Variants in PKNOX2 observed in about 807,000 individuals in gnomAD.
The protein encoded by PKNOX2 is PBX/knotted 1 homeobox 2.
A neutral mutation model predicts 53.1 loss-of-function variants in PKNOX2; 14 were observed. The observed-to-expected ratio is 0.26, with a 90% CI of 0.17 to 0.41. The LOEUF (loss-of-function observed/expected upper bound fraction) is 0.41, where lower values mean the gene tolerates loss of function less well. PKNOX2 is among the 10% of genes least tolerant of loss of function. PKNOX2 has a pLI of 1.00. For synonymous variants in PKNOX2, 257 were observed against 242.8 expected (o/e 1.06, Z -0.54); for missense variants, 496 against 602.8 (o/e 0.82, Z 1.85).
intron 1 of PKNOX2, among the ~76,000 whole-genome samples, chr11:125,228,182 C>T (rs1230152923): frequency 6.6e-6 from 1 of 152,226 alleles, no homozygotes; most frequent in African/African-American, 2.4e-5. Flanking sequence ...AAACGTGCTC[C>T]ATCTGAGCCG....
rs367560539 is a variant in PKNOX2 at position 125,431,395 on chromosome 11, G to T, written c.*3G>T. On this transcript the variant is annotated 3_prime_UTR_variant, in exon 13 of 13. Transcript: ENST00000298282. The stretch of plus-strand genomic sequence containing the variant: ...AACACAGTGACTCCCTGGAGTAGTC[G>T]GGCAGCCCAGATGGCACTGATCACT... The T allele has an allele frequency of 1.9e-6, 3 of 1,610,454 alleles. No homozygotes were observed.
chr11:125,360,422 C>G (rs1444239339), intron 4 of PKNOX2, among the ~76,000 whole-genome samples: 2 of 152,166 alleles, frequency 1.3e-5, no homozygotes, highest in African/African-American at 4.8e-5. Flanking sequence ...TTGCAATGCA[C>G]CCTCACATAT....
At chr11:125,339,958 A>G (rs1950599810) in intron 3 of PKNOX2, among the ~76,000 whole-genome samples, 1 of 152,224 alleles carries the variant, frequency 6.6e-6, no homozygotes, top group Non-Finnish European at 1.5e-5. Context: ...TGCCGCTTTC[A>G]GCTCGCTTAA....
At chr11:125,377,599 C>G (rs918528672) in intron 5 of PKNOX2, among the ~76,000 whole-genome samples, 5 of 152,200 alleles carry the variant, frequency 3.3e-5, no homozygotes, top group African/African-American at 1.2e-4. Context: ...GGACCAGGGT[C>G]CGCCTGCCCT....
chr11:125,311,244 T>G (rs1268672416), intron 2 of PKNOX2, among the ~76,000 whole-genome samples: 1 of 152,226 alleles, frequency 6.6e-6, no homozygotes, highest in Non-Finnish European at 1.5e-5. Context: ...CATTCCCCAT[T>G]AGAAAGACAT....
chr11:125,409,820 A>C (rs2135537736), intron 7 of PKNOX2, among the ~76,000 whole-genome samples: 1 of 152,174 alleles, frequency 6.6e-6, no homozygotes, highest in Admixed American at 6.5e-5. Flanking sequence ...TCAAGAAAAA[A>C]TCCAGAGCCC....
At chr11:125,291,433 C>G (rs868454023) in intron 2 of PKNOX2, among the ~76,000 whole-genome samples, 5 of 152,180 alleles carry the variant, frequency 3.3e-5, no homozygotes, top group Non-Finnish European at 7.3e-5. Flanking sequence ...GTGCACAGAA[C>G]TCTGTCTCCT....
intron 7 of PKNOX2, among the ~76,000 whole-genome samples, chr11:125,401,905 T>C (rs1169556562): frequency 6.6e-6 from 1 of 152,166 alleles, no homozygotes; most frequent in East Asian, 1.9e-4. Context: ...CTCTGGAACA[T>C]GATCCTCTGG....
At chr11:125,381,923 G>A (rs561389865) in intron 5 of PKNOX2, among the ~76,000 whole-genome samples, 104 of 152,240 alleles carry the variant, frequency 6.8e-4, no homozygotes, top group Non-Finnish European at 1.2e-3. Flanking sequence ...GGCTCTCCCT[G>A]ACCACTCTAA....
intron 12 of PKNOX2, 70 bp from the exon 13 acceptor site, chr11:125,431,095 CT>C: frequency 6.5e-7 from 1 of 1,544,706 alleles, no homozygotes; most frequent in Non-Finnish European, 8.7e-7. Flanking sequence ...CCATTAAACC[CT>C]GTCCAACACA....
chr11:125,279,034 T>C (rs1213600637), intron 2 of PKNOX2, among the ~76,000 whole-genome samples: 5 of 152,190 alleles, frequency 3.3e-5, no homozygotes, highest in Non-Finnish European at 5.9e-5. Flanking sequence ...GTGGTCACCA[T>C]GTTTGCCCCC....
chr11:125,293,604 G>A (rs529205140), intron 2 of PKNOX2, among the ~76,000 whole-genome samples: 6 of 152,178 alleles, frequency 3.9e-5, no homozygotes, highest in Admixed American at 6.5e-5. Flanking sequence ...GTTATTACTT[G>A]AGACTTTCCA....
At position 125,166,193 on chromosome 11, in the gene PKNOX2, G is replaced by T. The variant is rs1289210088; in HGVS notation, c.-201+1417G>T. ...GTTGGGGGCTGGAGGAACGGGTGGC[G>T]TTTTTAGGATTCAGTAACAGGATCA... On this transcript the variant is annotated intron_variant, in intron 1 of 12. Transcript: ENST00000298282. The surrounding 1 kb of genome is among the most constrained non-coding windows in gnomAD (Gnocchi z 4.0). 6.6e-6 allele frequency among the ~76,000 whole-genome samples: 1 copy of T among 152,158 alleles called. No individual in the cohort carries two copies. Among genetic ancestry groups the T allele is most frequent in the African/African-American group, 2.4e-5 (1 of 41,428 alleles).
chr11:125,403,682 C>T (rs1954892634), intron 7 of PKNOX2, among the ~76,000 whole-genome samples: 1 of 152,154 alleles, frequency 6.6e-6, no homozygotes, highest in South Asian at 2.1e-4. Flanking sequence ...GTTTTTGTGA[C>T]ACATGGGGAG....
chr11:125,211,544 G>C (rs4936994), intron 1 of PKNOX2, among the ~76,000 whole-genome samples: 31,150 of 152,046 alleles, frequency 0.2, 3,483 homozygotes, highest in African/African-American at 0.26. Flanking sequence ...CTCTGGCAGA[G>C]AGCGACTGGG....
chr11:125,297,152 C>T (rs1450855669), intron 2 of PKNOX2, among the ~76,000 whole-genome samples: 4 of 152,172 alleles, frequency 2.6e-5, no homozygotes, highest in East Asian at 3.8e-4. Context: ...CTTTTCACAA[C>T]GATCCATAGA....
At chr11:125,313,343 A>G (rs1308622422) in intron 2 of PKNOX2, among the ~76,000 whole-genome samples, 1 of 152,164 alleles carries the variant, frequency 6.6e-6, no homozygotes, top group Non-Finnish European at 1.5e-5. Flanking sequence ...TCCAGGTGAC[A>G]TCCTACCTCA....
intron 2 of PKNOX2, among the ~76,000 whole-genome samples, chr11:125,236,525 A>C (rs1406756115): frequency 6.6e-6 from 1 of 152,078 alleles, no homozygotes; most frequent in Non-Finnish European, 1.5e-5. Context: ...GAGAGCTGAG[A>C]GCGTGGGGGG....
intron 3 of PKNOX2, among the ~76,000 whole-genome samples, chr11:125,335,792 T>C (rs1160740533): frequency 6.6e-6 from 1 of 152,064 alleles, no homozygotes; most frequent in Non-Finnish European, 1.5e-5. Context: ...TACTCCAGCC[T>C]GGGTGACAGA....
Sources: allele counts gnomAD v4.1 joint callset (sites outside exome capture counted in the v4.1 genomes callset), GRCh38; gene constraint gnomAD v4.1.1; non-coding constraint Gnocchi (gnomAD v3.1); transcripts MANE v1.5; gene names NCBI Gene and HGNC (gene_info 2026-07-23, HGNC 2026-07-21).